Variants in DAB1 observed in about 807,000 individuals in gnomAD.
DAB1 encodes DAB adaptor protein 1.
A neutral mutation model predicts 64.6 loss-of-function variants in DAB1; 15 were observed. That is an observed-to-expected ratio of 0.23 (90% CI 0.16 to 0.36). The LOEUF is 0.36. Among genes scored for constraint, DAB1 ranks in the 10% least tolerant of loss-of-function variants. The pLI, the probability that DAB1 is intolerant of heterozygous loss-of-function variation, is 1.00. For missense variants in DAB1, 596 were observed against 706.7 expected (o/e 0.84, Z 1.78); for synonymous variants, 235 against 251.9 (o/e 0.93, Z 0.64).
chr1:57,806,818 G>T (rs140188525), intron 6 of DAB1, among the ~76,000 whole-genome samples: 1 of 151,862 alleles, frequency 6.6e-6, no homozygotes, highest in Non-Finnish European at 1.5e-5. Context: ...TCCCTAATAC[G>T]TCCCACTTCC....
intron 4 of DAB1, among the ~76,000 whole-genome samples, chr1:58,250,580 C>T (rs924534598): frequency 6.6e-6 from 1 of 152,234 alleles, no homozygotes. Context: ...AGCCCCTCAG[C>T]ATTTCGCCAC....
At chr1:58,528,620 G>A (rs1646387077) in intron 1 of DAB1, among the ~76,000 whole-genome samples, 1 of 152,184 alleles carries the variant, frequency 6.6e-6, no homozygotes, top group African/African-American at 2.4e-5. Context: ...ATCCTACAGT[G>A]CACAGGACAA....
At chr1:57,963,073 C>T (rs1645565588) in intron 5 of DAB1, among the ~76,000 whole-genome samples, 1 of 152,074 alleles carries the variant, frequency 6.6e-6, no homozygotes, top group Non-Finnish European at 1.5e-5. Context: ...AAATTAAGCT[C>T]ACATATGACA....
upstream of DAB1, among the ~76,000 whole-genome samples, chr1:57,426,874 A>ATATATATATTTTTT (rs57970737): frequency 3.4e-5 from 5 of 149,184 alleles, no homozygotes; most frequent in African/African-American, 1.2e-4. Flanking sequence ...ATATATATAT[A>ATATATATATTTTTT]TTTTTTTGAG....
At chr1:58,453,353 G>C (rs1451249514) in intron 3 of DAB1, among the ~76,000 whole-genome samples, 1 of 152,132 alleles carries the variant, frequency 6.6e-6, no homozygotes, top group Non-Finnish European at 1.5e-5. Flanking sequence ...AAGTCGACTT[G>C]ACTGCATGTA....
intron 7 of DAB1, among the ~76,000 whole-genome samples, chr1:57,493,117 ATTGTGTGTATGTG>A (rs1417278525): frequency 1.2e-5 from 1 of 84,244 alleles, no homozygotes; most frequent in African/African-American, 3.4e-5. Context: ...CAGGGATCAA[ATTGTGTGTATGTG>A]TGTGTGTGTG....
At chr1:58,457,053 C>G (rs771759622) in intron 3 of DAB1, among the ~76,000 whole-genome samples, 1 of 152,124 alleles carries the variant, frequency 6.6e-6, no homozygotes, top group Non-Finnish European at 1.5e-5. Flanking sequence ...ATCCTTTCTG[C>G]CAGTATGCAA....
chr1:57,197,110 C>T (rs1404804243), intron 2 of DAB1, among the ~76,000 whole-genome samples: 1 of 152,062 alleles, frequency 6.6e-6, no homozygotes, highest in African/African-American at 2.4e-5. Flanking sequence ...CTGAGGCGGG[C>T]AGATCACTTG....
intron 7 of DAB1, among the ~76,000 whole-genome samples, chr1:57,530,456 G>A (rs980799025): frequency 2.6e-4 from 40 of 151,976 alleles, no homozygotes; most frequent in African/African-American, 9.2e-4. Flanking sequence ...ACAAATTTGT[G>A]GAAATCTAGC....
chr1:58,359,983 C>T (rs1409777930), intron 3 of DAB1, among the ~76,000 whole-genome samples: 2 of 152,170 alleles, frequency 1.3e-5, no homozygotes, highest in African/African-American at 4.8e-5. Context: ...ATATCAACTA[C>T]CTTGCTTGCC....
chr1:57,015,597 T>C (rs930361015), intron 11 of DAB1, among the ~76,000 whole-genome samples, 166 bp from the exon 12 acceptor site: 2 of 152,210 alleles, frequency 1.3e-5, no homozygotes, highest in African/African-American at 4.8e-5. Flanking sequence ...CTTGCTGTCA[T>C]AGAGCCTATA....
chr1:58,091,722 T>A (rs1175954004), intron 5 of DAB1, among the ~76,000 whole-genome samples: 1 of 152,158 alleles, frequency 6.6e-6, no homozygotes, highest in African/African-American at 2.4e-5. Context: ...ATATGTCTTC[T>A]TATTCACACC....
chr1:58,364,065 G>A (rs1278815671), intron 3 of DAB1, among the ~76,000 whole-genome samples: 1 of 152,198 alleles, frequency 6.6e-6, no homozygotes, highest in South Asian at 2.1e-4. Flanking sequence ...ATGTCTGAAG[G>A]ACCAACATTT....
At chr1:58,264,455 T>C (rs574802) in intron 4 of DAB1, among the ~76,000 whole-genome samples, 35,836 of 152,134 alleles carry the variant, frequency 0.24, 4,739 homozygotes, top group African/African-American at 0.34. Flanking sequence ...TAGTGGCCGC[T>C]GTAACAAAGA....
chr1:57,670,054 T>C (rs1339567730), intron 6 of DAB1, among the ~76,000 whole-genome samples: 1 of 152,172 alleles, frequency 6.6e-6, no homozygotes, highest in Non-Finnish European at 1.5e-5. Context: ...AGGGTATCTG[T>C]ATATTTATTT....
intron 3 of DAB1, among the ~76,000 whole-genome samples, chr1:58,488,283 T>C (rs1035489279): frequency 6.6e-6 from 1 of 152,228 alleles, no homozygotes; most frequent in Non-Finnish European, 1.5e-5. Flanking sequence ...TTAATTTTAC[T>C]ATACTATGTT....
intron 6 of DAB1, among the ~76,000 whole-genome samples, chr1:57,700,338 T>C (rs1281882068): frequency 6.6e-6 from 1 of 152,254 alleles, no homozygotes; most frequent in African/African-American, 2.4e-5. Context: ...ACAATCATTG[T>C]ATGTGTCTCA....
intron 6 of DAB1, among the ~76,000 whole-genome samples, chr1:57,706,739 T>C (rs1479980493): frequency 6.6e-6 from 1 of 152,092 alleles, no homozygotes; most frequent in Non-Finnish European, 1.5e-5. Flanking sequence ...TTATATGCTG[T>C]TTTATCACGT....
chr1:57,029,291 T>C (rs897203849), intron 9 of DAB1, among the ~76,000 whole-genome samples: 6 of 152,194 alleles, frequency 3.9e-5, no homozygotes, highest in Admixed American at 6.5e-5. Flanking sequence ...GAATTGAAGT[T>C]TGGGAACTTC....
Sources: gnomAD v4.1 joint callset for allele counts (sites outside exome capture counted in the v4.1 genomes callset) on GRCh38, gnomAD v4.1.1 for gene constraint, MANE v1.5 for transcripts, NCBI Gene and HGNC (gene_info 2026-07-23, HGNC 2026-07-21) for gene names.